SUGP1: variants seen among roughly 807,000 people sequenced by gnomAD.
The protein encoded by SUGP1 is SURP and G-patch domain containing 1.
Under a neutral mutation model 76.5 loss-of-function variants are expected in SUGP1, and 34 were observed. That is an observed-to-expected ratio of 0.44 (90% CI 0.34 to 0.59). SUGP1 has a LOEUF of 0.59. SUGP1 is among the 20% of genes least tolerant of loss of function. The pLI, the probability that SUGP1 is intolerant of heterozygous loss-of-function variation, is 0.01. For synonymous variants in SUGP1, 326 were observed against 326.2 expected (o/e 1.00, Z 0.01); for missense variants, 752 against 851.7 (o/e 0.88, Z 1.46).
intron 3 of SUGP1, among the ~76,000 whole-genome samples, chr19:19,306,384 G>T (rs2061318156): frequency 6.6e-6 from 1 of 152,330 alleles, no homozygotes; most frequent in East Asian, 1.9e-4. Context: ...CGTCAGTTCT[G>T]CCGGGTAAGA....
rs1235653179 is a variant in SUGP1, at chr19:19,297,244, G to A, written c.988C>T (p.Pro330Ser). 6.3e-7 allele frequency: 1 copy of A among 1,589,158 alleles called. No individual in the cohort carries two copies. The highest frequency in any genetic ancestry group is 1.1e-5 in the South Asian group (1 of 89,002). ...GACTTGCGCTTCAGGCCGGGATCAG[G>A]TGCTGTGAAGCTGCCTGTGGAGCTG... is the stretch of plus-strand genomic sequence containing the variant. ...KASSTGSFTA[P>S]DPGLKRKSPP... Residue 330 changes from proline (P) to serine (S), a missense_variant, in exon 8 of 14, where the codon CCT becomes TCT. Transcript: ENST00000247001.
Position 19,302,323 on chromosome 19 carries a change from C to G in SUGP1, c.829G>C (p.Gly277Arg). Residue 277 changes from glycine to arginine, a missense_variant, in exon 7 of 14, where the codon GGG becomes CGG. By Grantham distance (125) the Gly-to-Arg change is moderately radical. Coordinates refer to ENST00000247001, the MANE Select transcript of SUGP1 (RefSeq NM_172231.4). The stretch of plus-strand genomic sequence containing the variant: ...GCAATGGTTTCCACCTCGGGACCCC[C>G]GTCCGCTATGAACCTGGCCAACTTT... ...AEKLARFIAD[G>R]GPEVETIALQ... 1 of 1,614,178 alleles carries G rather than the reference C, an allele frequency of 6.2e-7. No individual in the cohort carries two copies. Among genetic ancestry groups the G allele is most frequent in the Non-Finnish European group, 8.5e-7 (1 of 1,180,024 alleles).
chr19:19,294,421 G>T (rs2061208804), intron 8 of SUGP1, among the ~76,000 whole-genome samples: 1 of 150,990 alleles, frequency 6.6e-6, no homozygotes. Context: ...CTACTTGGGA[G>T]GCTGAGGTGG....
Position 19,279,298 on chromosome 19 carries a change from G to A in SUGP1, c.1443C>T (p.His481=), listed in dbSNP as rs545380588. Residue 481 remains histidine, a synonymous_variant, in exon 10 of 14, where the codon CAC becomes CAT. Coordinates refer to ENST00000247001, the MANE Select transcript of SUGP1 (RefSeq NM_172231.4). Reference sequence around the variant, plus strand: ...CCACCTCCTCATCACTGTCATAGCCGTGCTGGTGCTGTTGGACTGCCTTCT... The same window carrying A: ...CCACCTCCTCATCACTGTCATAGCCATGCTGGTGCTGTTGGACTGCCTTCT... ...LWEKAVQQHQ[H]GYDSDEEVDS... 1.1e-4 allele frequency: 183 copies of A among 1,610,892 alleles called. No individual in the cohort carries two copies. Among genetic ancestry groups the A allele is most frequent in the African/African-American group, 1.6e-4 (12 of 74,970 alleles).
chr19:19,293,748 C>T (rs1303278708), intron 8 of SUGP1, among the ~76,000 whole-genome samples: 1 of 152,174 alleles, frequency 6.6e-6, no homozygotes, highest in East Asian at 1.9e-4. Context: ...ACACTTCCAC[C>T]ATTTCCATTC....
At chr19:19,280,080 G>A (rs2061085836) in intron 9 of SUGP1, 105 bp downstream of exon 9, 10 of 1,128,436 alleles carry the variant, frequency 8.9e-6, no homozygotes, top group Non-Finnish European at 1.2e-5. Context: ...GAACACAGGA[G>A]CTTGGCGAAG....
chr19:19,290,367 AGGCACGGT>A (rs2061171982), intron 8 of SUGP1, among the ~76,000 whole-genome samples: 1 of 152,152 alleles, frequency 6.6e-6, no homozygotes, highest in Non-Finnish European at 1.5e-5. Context: ...TTGCTAAGTC[AGGCACGGT>A]GGCTCACACC....
chr19:19,302,100 C>A lies in SUGP1; in HGVS notation c.887+165G>T, dbSNP rs2061276238. ...GGTGCTGGTGTGTGCGTGGGACATGCCTGTGGGGAGGCAGAGCTGGGCTCT... is the reference window on the plus strand; with the variant it reads ...GGTGCTGGTGTGTGCGTGGGACATGACTGTGGGGAGGCAGAGCTGGGCTCT... On this transcript the variant is annotated intron_variant, in intron 7 of 13. Transcript: ENST00000247001. The A allele has an allele frequency of 2.7e-6, 3 of 1,110,102 alleles. No individual in the cohort carries two copies. The Admixed American group carries it at 7.0e-5, about 26-fold the overall frequency. The allele number at this position is 1,110,102 out of a possible 1,614,324, so 68.8% of individuals were successfully genotyped here.
chr19:19,277,171 T>C, intron 12 of SUGP1, 95 bp from the exon 13 acceptor site: 2 of 1,266,996 alleles, frequency 1.6e-6, no homozygotes, highest in Non-Finnish European at 2.1e-6. Context: ...CTCCCGCGGG[T>C]GCAGGGCTGG....
At chr19:19,277,115 AGAACTCTGGCCGGGG>A in intron 12 of SUGP1, 39 bp from the exon 13 acceptor site, 2 of 1,587,380 alleles carry the variant, frequency 1.3e-6, no homozygotes, top group African/African-American at 1.3e-5. Context: ...ACCTGGGGCC[AGAACTCTGGCCGGGG>A]GGCCGGGCAC....
At chr19:19,278,596 G>T in intron 11 of SUGP1, 94 bp downstream of exon 11, 1 of 1,090,414 alleles carries the variant, frequency 9.2e-7, no homozygotes, top group Non-Finnish European at 1.4e-6. Context: ...GATCGAGAGG[G>T]TAGCCAGGCT....
intron 3 of SUGP1, among the ~76,000 whole-genome samples, chr19:19,307,193 A>G (rs2061323817): frequency 6.6e-6 from 1 of 151,900 alleles, no homozygotes; most frequent in Non-Finnish European, 1.5e-5. Flanking sequence ...CTGGGACTAC[A>G]GGTGCACGAC....
chr19:19,297,105 GC>G lies in SUGP1; in HGVS notation c.1126del (p.Ala376GlnfsTer4). 1 of 1,613,928 alleles carries G rather than the reference GC, an allele frequency of 6.2e-7. No individual in the cohort carries two copies. Among genetic ancestry groups the G allele is most frequent in the Non-Finnish European group, 8.5e-7 (1 of 1,179,854 alleles). ...CTTCCGCTTCCTCTTCACGGTGGCT[GC>G]GGAGGCTGGCTTCCCGGGGGCAGCT... The part of the protein sequence containing the change: ...APAAPGKPAS[A>X]ATVKRKRKSR... On this transcript the variant is annotated frameshift_variant, in exon 8 of 14. Transcript: ENST00000247001. LOFTEE classifies it high-confidence loss of function.
chr19:19,289,865 G>A (rs2061168537), intron 8 of SUGP1, among the ~76,000 whole-genome samples: 1 of 152,212 alleles, frequency 6.6e-6, no homozygotes, highest in Admixed American at 6.5e-5. Context: ...GGGAGGGCAT[G>A]GAAGCTCCAC....
At chr19:19,286,378 C>T (rs1199015552) in intron 8 of SUGP1, among the ~76,000 whole-genome samples, 2 of 152,074 alleles carry the variant, frequency 1.3e-5, no homozygotes, top group South Asian at 2.1e-4. Context: ...CTCAGCAGAG[C>T]GAACATTATG....
chr19:19,309,629 G>A (rs1261540070), intron 3 of SUGP1, among the ~76,000 whole-genome samples: 3 of 152,102 alleles, frequency 2.0e-5, no homozygotes, highest in African/African-American at 7.2e-5. Flanking sequence ...AGATACAAAA[G>A]GCCGGGCACA....
chr19:19,287,912 T>C (rs2061153544), intron 8 of SUGP1, among the ~76,000 whole-genome samples: 1 of 152,180 alleles, frequency 6.6e-6, no homozygotes. Context: ...AGAGTGCCTG[T>C]CTCTCCTTCC....
intron 8 of SUGP1, among the ~76,000 whole-genome samples, chr19:19,284,690 G>GA (rs1182394778): frequency 2.0e-5 from 3 of 152,170 alleles, no homozygotes; most frequent in Admixed American, 2.0e-4. Context: ...GCGAAGGAGC[G>GA]AAAGCTGGAG....
chr19:19,299,768 G>A lies in SUGP1; in HGVS notation c.888-2424C>T, dbSNP rs187183153. 1.0e-3 allele frequency among the ~76,000 whole-genome samples: 157 copies of A among 151,826 alleles called. 1 individual carries two copies. Among genetic ancestry groups the A allele is most frequent in the Middle Eastern group, 3.4e-3 (1 of 294 alleles). On this transcript the variant is annotated intron_variant, in intron 7 of 13. Transcript: ENST00000247001. ...TGGGAGAATGACTAGTCCAAGGGAT[G>A]GGCGTTTCCAGCTTTTCATTTTTTT...
Sources: gnomAD v4.1 joint callset for allele counts (sites outside exome capture counted in the v4.1 genomes callset) on GRCh38, gnomAD v4.1.1 for gene constraint, MANE v1.5 for transcripts, NCBI Gene and HGNC (gene_info 2026-07-23, HGNC 2026-07-21) for gene names.